Variants in OVCH1 observed in about 807,000 individuals in gnomAD.
OVCH1 encodes the protein ovochymase 1.
OVCH1 carries 139 observed loss-of-function variants against 138.4 expected under a neutral mutation model. The ratio of observed to expected loss-of-function variants is 1.00; its 90% CI spans 0.87 to 1.16. OVCH1 has a LOEUF of 1.16. OVCH1 is among the 50% of genes most tolerant of loss of function. The pLI is 0.00. For missense variants in OVCH1, 1,367 were observed against 1,357.9 expected, an observed-to-expected ratio of 1.01 and a Z score of -0.11; for synonymous variants, 453 against 467.8, an observed-to-expected ratio of 0.97 and a Z score of 0.41.
intron 27 of OVCH1, among the ~76,000 whole-genome samples, chr12:29,430,742 G>C (rs1941253644): frequency 6.6e-6 from 1 of 152,158 alleles, no homozygotes; most frequent in Non-Finnish European, 1.5e-5. Context: ...CCACCTCCCA[G>C]CTGCGAAATC....
exon 15 of OVCH1, chr12:29,473,031 T>C (rs1942568948): frequency 2.5e-6 from 4 of 1,607,800 alleles, no homozygotes; most frequent in Non-Finnish European, 3.4e-6. Context: ...CAACTCACCA[T>C]GCAGAATAGC....
At chr12:29,458,032 G>A (rs1043942854) in intron 19 of OVCH1, among the ~76,000 whole-genome samples, 3 of 152,146 alleles carry the variant, frequency 2.0e-5, no homozygotes, top group African/African-American at 7.2e-5. Flanking sequence ...GCAAATCAAT[G>A]TGGCTGAGGA....
Position 29,445,416 on chromosome 12 carries a change from G to GT in OVCH1, c.2756-14dup, listed in dbSNP as rs774219749. The stretch of plus-strand genomic sequence containing the variant: ...CCATGTAATCCACCTAGGTTAAAAA[G>GT]TGAACTCTAGTAAAAAATAAGAATG... On this transcript the variant is annotated splice_polypyrimidine_tract_variant and intron_variant, in intron 22 of 27. Coordinates refer to ENST00000318184, the Ensembl canonical transcript of OVCH1. 1.9e-6 allele frequency: 3 copies of GT among 1,592,074 alleles called. No homozygotes were observed. Among genetic ancestry groups the GT allele is most frequent in the South Asian group, 2.3e-5 (2 of 87,364 alleles).
chr12:29,477,543 T>G (rs1942784275), exon 10 of OVCH1: 1 of 1,613,798 alleles, frequency 6.2e-7, no homozygotes, highest in Non-Finnish European at 8.5e-7. Context: ...ACACGTTTGT[T>G]TTGTTTTCCA....
intron 22 of OVCH1, among the ~76,000 whole-genome samples, chr12:29,449,783 C>A (rs940348602): frequency 1.2e-4 from 18 of 152,078 alleles, no homozygotes; most frequent in African/African-American, 4.3e-4. Flanking sequence ...GCTACAGTAA[C>A]CAAAACAGCA....
intron 3 of OVCH1, among the ~76,000 whole-genome samples, chr12:29,414,023 T>C (rs1214592809): frequency 3.6e-4 from 11 of 30,378 alleles, no homozygotes; most frequent in East Asian, 1.3e-3. Context: ...TCTCTCTCTT[T>C]TTTTTTTTTT....
downstream of OVCH1, among the ~76,000 whole-genome samples, chr12:29,422,617 CAAATT>C (rs1332274833): frequency 6.6e-5 from 10 of 152,170 alleles, no homozygotes; most frequent in Non-Finnish European, 1.5e-4. Context: ...CATAAACTAA[CAAATT>C]AATTAGGTTT....
At chr12:29,444,905 A>G (rs1247126515) in intron 23 of OVCH1, among the ~76,000 whole-genome samples, 1 of 152,098 alleles carries the variant, frequency 6.6e-6, no homozygotes, top group Non-Finnish European at 1.5e-5. Flanking sequence ...ATCAGAGATA[A>G]TAAATTGTCC....
At chr12:29,409,128 T>G (rs1440865258), downstream of OVCH1, among the ~76,000 whole-genome samples, 1 of 152,236 alleles carries the variant, frequency 6.6e-6, no homozygotes, top group Non-Finnish European at 1.5e-5. Context: ...GATGGTAGTT[T>G]GTATTTCTGT....
chr12:29,464,732 A>C, intron 17 of OVCH1, 30 bp from the exon 18 acceptor site: 1 of 1,580,534 alleles, frequency 6.3e-7, no homozygotes, highest in Non-Finnish European at 8.6e-7. Flanking sequence ...GCAAATTACA[A>C]CGTAAGAAAG....
At chr12:29,433,831 G>T (rs1941311538) in intron 26 of OVCH1, 3 of 1,367,886 alleles carry the variant, frequency 2.2e-6, no homozygotes, top group Non-Finnish European at 2.9e-6. Flanking sequence ...TAAGTAAAAT[G>T]TTTTTAATGG....
intron 2 of OVCH1, 54 bp downstream of exon 2, chr12:29,496,502 A>G: frequency 6.9e-7 from 1 of 1,458,120 alleles, no homozygotes; most frequent in Non-Finnish European, 9.5e-7. Flanking sequence ...TTCGAAACAA[A>G]GGAAATATTT....
chr12:29,478,935 A>G (rs1432594470), intron 8 of OVCH1: 1 of 1,498,796 alleles, frequency 6.7e-7, no homozygotes, highest in Non-Finnish European at 9.1e-7. Context: ...GGATTATTTT[A>G]TCTTCTGGTA....
At chr12:29,465,015 TG>T (rs1565590141) in intron 17 of OVCH1, 131 bp downstream of exon 17, 2 of 808,234 alleles carry the variant, frequency 2.5e-6, no homozygotes, top group Admixed American at 3.2e-5. Context: ...TTTTTAAATG[TG>T]GGTATAAATA....
At chr12:29,409,197 C>T (rs1306428772), downstream of OVCH1, among the ~76,000 whole-genome samples, 2 of 152,068 alleles carry the variant, frequency 1.3e-5, no homozygotes. Flanking sequence ...ATTCTTCTCT[C>T]TTTTTTCTTT....
downstream of OVCH1, among the ~76,000 whole-genome samples, chr12:29,424,066 G>A (rs531056461): frequency 7.2e-5 from 11 of 152,282 alleles, no homozygotes; most frequent in South Asian, 1.2e-3. Context: ...GAAATCAGGG[G>A]TCTCACAGCC....
chr12:29,473,081 TG>T lies in OVCH1; in HGVS notation c.1622del (p.Pro541GlnfsTer13). 6.2e-7 allele frequency: 1 copy of T among 1,609,738 alleles called. No individual in the cohort carries two copies. The highest frequency in any genetic ancestry group is 1.1e-5 in the South Asian group (1 of 90,258). On this transcript the variant is annotated frameshift_variant, in exon 15 of 28. Transcript: ENST00000318184. LOFTEE classifies it high-confidence loss of function. ...CAGGATTGTTTTGGGGAGGTAACTT[TG>T]GTTCAAATTTGTTTAAAGACTCTGT...
downstream of OVCH1, among the ~76,000 whole-genome samples, chr12:29,410,276 T>G (rs36164023): frequency 0.26 from 33,954 of 132,336 alleles, 5,613 homozygotes; most frequent in Middle Eastern, 0.47. Context: ...TTGCCAGTCT[T>G]TGTCTTTTAA....
At chr12:29,448,296 C>A (rs1453909912) in intron 22 of OVCH1, among the ~76,000 whole-genome samples, 2 of 151,364 alleles carry the variant, frequency 1.3e-5, no homozygotes, top group Non-Finnish European at 2.9e-5. Context: ...TCCTAACAGG[C>A]CATGAGTTGG....
Sources: allele counts gnomAD v4.1 joint callset (sites outside exome capture counted in the v4.1 genomes callset), GRCh38; gene constraint gnomAD v4.1.1; transcripts MANE v1.5; gene names NCBI Gene and HGNC (gene_info 2026-07-23, HGNC 2026-07-21).